EIF4G3: variants seen among roughly 807,000 people sequenced by gnomAD.
EIF4G3 encodes the protein eukaryotic translation initiation factor 4 gamma 3.
Under a neutral mutation model 186.4 loss-of-function variants are expected in EIF4G3, and 34 were observed. The observed-to-expected ratio is 0.18, with a 90% CI of 0.14 to 0.24. EIF4G3 has a LOEUF of 0.24. Ranked by LOEUF, EIF4G3 falls within the 10% of genes least tolerant of loss-of-function variation. The probability of loss-of-function intolerance (pLI) is 1.00; values close to 1 mark genes in which losing one functional copy is unlikely to be tolerated. For missense variants in EIF4G3, 1,536 were observed against 1,948.5 expected (o/e 0.79, Z 3.99); for synonymous variants, 673 against 679.5 (o/e 0.99, Z 0.15).
At chr1:21,105,281 T>A (rs1338285292) in intron 2 of EIF4G3, among the ~76,000 whole-genome samples, 1 of 152,054 alleles carries the variant, frequency 6.6e-6, no homozygotes, top group Non-Finnish European at 1.5e-5. Context: ...AATACAAAAA[T>A]TAGCCATAGG....
chr1:20,925,269 T>C (rs1001375851), intron 14 of EIF4G3, among the ~76,000 whole-genome samples: 1 of 152,200 alleles, frequency 6.6e-6, no homozygotes, highest in Admixed American at 6.5e-5. Flanking sequence ...ATACAATTTA[T>C]GGAACATCAG....
chr1:20,944,017 T>C (rs1395723062), intron 13 of EIF4G3, among the ~76,000 whole-genome samples: 4 of 150,416 alleles, frequency 2.7e-5, no homozygotes, highest in Admixed American at 2.7e-4. Flanking sequence ...TGTGTGTGTG[T>C]GTGTGTGTGT....
At chr1:20,817,052 G>A (rs1443663167) in intron 34 of EIF4G3, among the ~76,000 whole-genome samples, 10 of 139,472 alleles carry the variant, frequency 7.2e-5, no homozygotes, top group East Asian at 2.1e-4. Flanking sequence ...CAGCATGCTC[G>A]TTAAGAGTCA....
chr1:21,010,254 T>C (rs1570910071), intron 4 of EIF4G3, among the ~76,000 whole-genome samples: 1 of 151,906 alleles, frequency 6.6e-6, no homozygotes, highest in African/African-American at 2.4e-5. Flanking sequence ...GAGACCAGCC[T>C]GGCCAATATA....
rs1431439577 is a variant in EIF4G3 at position 20,810,603 on chromosome 1, A to G, written c.4744+135T>C. 3.6e-6 allele frequency: 4 copies of G among 1,102,364 alleles called. No homozygotes were observed. Among genetic ancestry groups the G allele is most frequent in the Non-Finnish European group, 3.9e-6 (3 of 775,838 alleles). The allele number at this position is 1,102,364 out of a possible 1,614,324, so 68.3% of individuals were successfully genotyped here. A position where few individuals can be genotyped will look rare whatever the true frequency, so the allele number is the denominator to read the frequency against. On this transcript the variant is annotated intron_variant, in intron 36 of 36. Coordinates refer to ENST00000602326, the MANE Select transcript of EIF4G3 (RefSeq NM_001391906.1). The surrounding 1 kb of genome is among the most constrained non-coding windows in gnomAD (Gnocchi z 4.1). ...GCACCCGGCCAAATTCAAATTTATT[A>G]AAGTTAGTTATATGAGTTTGTGTTA... is the stretch of plus-strand genomic sequence containing the variant.
chr1:21,000,506 T>C (rs745758523), intron 6 of EIF4G3, among the ~76,000 whole-genome samples: 8 of 151,618 alleles, frequency 5.3e-5, no homozygotes, highest in Non-Finnish European at 1.0e-4. Context: ...AGCTGTGAGA[T>C]GGATGAGACT....
chr1:21,173,214 TGAG>T (rs1213793675), intron 2 of EIF4G3, among the ~76,000 whole-genome samples: 1 of 151,490 alleles, frequency 6.6e-6, no homozygotes, highest in Non-Finnish European at 1.5e-5. Flanking sequence ...TTGTTTTTTT[TGAG>T]GTGGAGTCTC....
intron 2 of EIF4G3, among the ~76,000 whole-genome samples, chr1:21,133,770 C>G (rs893722177): frequency 6.6e-6 from 1 of 152,186 alleles, no homozygotes; most frequent in Admixed American, 6.5e-5. Context: ...TGAAATATAT[C>G]TGATACACTA....
intron 20 of EIF4G3, among the ~76,000 whole-genome samples, chr1:20,872,242 C>G (rs1369503181): frequency 1.3e-5 from 2 of 151,822 alleles, no homozygotes; most frequent in Non-Finnish European, 2.9e-5. Context: ...CTTGCCTCAG[C>G]CTTTGGAGTA....
intron 33 of EIF4G3, among the ~76,000 whole-genome samples, chr1:20,823,666 C>T (rs2062936341): frequency 6.6e-6 from 1 of 152,090 alleles, no homozygotes; most frequent in Non-Finnish European, 1.5e-5. Flanking sequence ...TGAGCCACTG[C>T]ACCCAACCTT....
At chr1:20,927,854 AG>A (rs1358378238) in intron 14 of EIF4G3, among the ~76,000 whole-genome samples, 1 of 152,044 alleles carries the variant, frequency 6.6e-6, no homozygotes, top group Non-Finnish European at 1.5e-5. Flanking sequence ...TGATTGCTAC[AG>A]GTGTTTTTTG....
chr1:20,862,477 A>T, intron 22 of EIF4G3, 145 bp from the exon 23 acceptor site: 14 of 548,940 alleles, frequency 2.6e-5, no homozygotes, highest in South Asian at 5.1e-5. Flanking sequence ...GTGCAGTAGC[A>T]CAATCACGGC....
intron 22 of EIF4G3, 109 bp downstream of exon 22, chr1:20,864,367 A>G (rs2077111303): frequency 1.2e-6 from 1 of 823,324 alleles, no homozygotes; most frequent in South Asian, 1.7e-5. Context: ...GAAGAAAAAT[A>G]AACAGCCCAG....
chr1:21,052,921 C>T (rs1262076009), intron 3 of EIF4G3, among the ~76,000 whole-genome samples: 1 of 152,172 alleles, frequency 6.6e-6, no homozygotes, highest in Non-Finnish European at 1.5e-5. Context: ...GGCGTGATCT[C>T]GGCTCGCTAC....
intron 30 of EIF4G3, among the ~76,000 whole-genome samples, chr1:20,839,774 C>T (rs1406271406): frequency 6.6e-6 from 1 of 152,082 alleles, no homozygotes; most frequent in African/African-American, 2.4e-5. Context: ...CAGGTGTGAG[C>T]CACTGCACCT....
chr1:20,989,789 GTT>G (rs1558593596), intron 7 of EIF4G3, among the ~76,000 whole-genome samples: 1 of 152,198 alleles, frequency 6.6e-6, no homozygotes, highest in African/African-American at 2.4e-5. Flanking sequence ...CAGCAGCAGA[GTT>G]TGAGATTGAC....
At chr1:20,926,657 AC>A (rs2094913472) in intron 14 of EIF4G3, among the ~76,000 whole-genome samples, 1 of 145,934 alleles carries the variant, frequency 6.9e-6, no homozygotes, top group Non-Finnish European at 1.5e-5. Context: ...ACAGAGCAAG[AC>A]CCTGTCTCAG....
chr1:21,054,012 T>C (rs1036848118), intron 3 of EIF4G3, among the ~76,000 whole-genome samples: 177 of 151,794 alleles, frequency 1.2e-3, no homozygotes, highest in African/African-American at 3.8e-3. Flanking sequence ...ACAATGGCGG[T>C]TTTGTGGAAT....
rs375353858 is a variant in EIF4G3, at chr1:21,154,502, T to G, written c.-272+21673A>C. Reference sequence around the variant, plus strand: ...AGTTTTCCTTCTGAGTCAAAAGTAGTTGAACTTTAAGAATCCTTCTGTCAT... The same window carrying G: ...AGTTTTCCTTCTGAGTCAAAAGTAGGTGAACTTTAAGAATCCTTCTGTCAT... On this transcript the variant is annotated intron_variant, in intron 2 of 36. Coordinates refer to ENST00000602326, the MANE Select transcript of EIF4G3 (RefSeq NM_001391906.1). Among the ~76,000 whole-genome samples the G allele has an allele frequency of 2.1e-4, 32 of 152,350 alleles. No individual in the cohort carries two copies. The East Asian group carries it at 5.8e-3, about 28-fold the overall frequency.
Sources: gnomAD v4.1 joint callset for allele counts (sites outside exome capture counted in the v4.1 genomes callset) on GRCh38, gnomAD v4.1.1 for gene constraint, Gnocchi (gnomAD v3.1) non-coding constraint, MANE v1.5 for transcripts, NCBI Gene and HGNC (gene_info 2026-07-23, HGNC 2026-07-21) for gene names.